Variants in KIFAP3 observed in about 807,000 individuals in gnomAD.
KIFAP3 encodes kinesin associated protein 3.
KIFAP3 carries 68 observed loss-of-function variants against 106.5 expected under a neutral mutation model. The observed-to-expected ratio is 0.64, with a 90% CI of 0.53 to 0.78. The LOEUF (loss-of-function observed/expected upper bound fraction) is 0.78, where lower values mean the gene tolerates loss of function less well. Among genes scored for constraint, KIFAP3 ranks in the 30% least tolerant of loss-of-function variants. The pLI, the probability that KIFAP3 is intolerant of heterozygous loss-of-function variation, is 0.00. For synonymous variants in KIFAP3, 320 were observed against 311.5 expected, an observed-to-expected ratio of 1.03 and a Z score of -0.29; for missense variants, 780 against 941.8, an observed-to-expected ratio of 0.83 and a Z score of 2.25.
chr1:170,003,430 C>T (rs1667767440), intron 10 of KIFAP3, among the ~76,000 whole-genome samples: 1 of 152,218 alleles, frequency 6.6e-6, no homozygotes, highest in South Asian at 2.1e-4. Context: ...TGTGAGGTGT[C>T]AGTCCACACC....
At chr1:170,029,283 A>G (rs1225043166) in intron 8 of KIFAP3, among the ~76,000 whole-genome samples, 1 of 152,132 alleles carries the variant, frequency 6.6e-6, no homozygotes, top group East Asian at 1.9e-4. Context: ...ATAAATCACA[A>G]TTATAGTCAG....
At chr1:169,972,460 T>C in intron 17 of KIFAP3, 53 bp downstream of exon 17, 1 of 881,132 alleles carries the variant, frequency 1.1e-6, no homozygotes. Flanking sequence ...ACAATGACTT[T>C]CTCCCCCAAG....
At chr1:170,069,344 C>T (rs1157054626) in intron 1 of KIFAP3, among the ~76,000 whole-genome samples, 1 of 152,092 alleles carries the variant, frequency 6.6e-6, no homozygotes, top group Non-Finnish European at 1.5e-5. Flanking sequence ...AGAGGAAACA[C>T]TTCCTAATTC....
Position 169,921,533 on chromosome 1 carries a change from T to C in KIFAP3, c.*143A>G. 1.6e-6 allele frequency: 1 copy of C among 613,832 alleles called. No homozygotes were observed. 38.0% of individuals were successfully genotyped at this position (613,832 alleles called of 1,614,324 possible). ...CAGAAGACAGAGGGGCTGGGGTTAA[T>C]CTGCAGCTAACAACATATAAAAATA... On this transcript the variant is annotated 3_prime_UTR_variant, in exon 20 of 20. Transcript: ENST00000361580.
intron 15 of KIFAP3, among the ~76,000 whole-genome samples, chr1:169,981,171 G>A (rs1666504332): frequency 6.6e-6 from 1 of 152,130 alleles, no homozygotes; most frequent in South Asian, 2.1e-4. Flanking sequence ...TCCCTTATCT[G>A]TGGTTTTTCT....
intron 19 of KIFAP3, among the ~76,000 whole-genome samples, chr1:169,930,442 A>G (rs1263817373): frequency 6.6e-6 from 1 of 152,206 alleles, no homozygotes; most frequent in Non-Finnish European, 1.5e-5. Context: ...TGGCTGTCCT[A>G]AAACAATCTA....
chr1:170,026,779 C>A (rs532760143), intron 8 of KIFAP3, among the ~76,000 whole-genome samples: 1 of 152,284 alleles, frequency 6.6e-6, no homozygotes, highest in African/African-American at 2.4e-5. Flanking sequence ...TACTGGCAAT[C>A]CCATAATTCA....
chr1:169,968,809 T>A (rs1342980976), intron 17 of KIFAP3, among the ~76,000 whole-genome samples: 1 of 148,322 alleles, frequency 6.7e-6, no homozygotes, highest in Non-Finnish European at 1.5e-5. Flanking sequence ...CATGGGTTCT[T>A]TTAAGTCCAA....
At chr1:170,009,286 A>G (rs1668125684) in intron 10 of KIFAP3, among the ~76,000 whole-genome samples, 1 of 152,166 alleles carries the variant, frequency 6.6e-6, no homozygotes, top group Non-Finnish European at 1.5e-5. Context: ...TTAAAAGCTG[A>G]CATAAAAATT....
chr1:169,969,367 C>T (rs1571579372), intron 17 of KIFAP3, among the ~76,000 whole-genome samples: 1 of 151,980 alleles, frequency 6.6e-6, no homozygotes, highest in East Asian at 1.9e-4. Context: ...CTGACACAGG[C>T]TTCCTTGGTT....
chr1:170,038,363 G>A lies in KIFAP3; in HGVS notation c.444C>T (p.Asp148=). 5.6e-6 allele frequency: 9 copies of A among 1,608,600 alleles called. No individual in the cohort carries two copies. Among genetic ancestry groups the A allele is most frequent in the Non-Finnish European group, 7.6e-6 (9 of 1,178,790 alleles). Residue 148 remains aspartate (D), a synonymous_variant, in exon 5 of 20, where the codon GAC becomes GAT. Coordinates refer to ENST00000361580, the MANE Select transcript of KIFAP3 (RefSeq NM_014970.4). The part of the protein sequence containing the change: ...YIELLYEDIP[D]KVRGSALILQ... ...GGATCAAAGCAGAACCCCGAACTTT[G>A]TCAGGAATATCTTCATATAATAACT...
At chr1:170,048,301 T>G (rs916032278) in intron 2 of KIFAP3, among the ~76,000 whole-genome samples, 2 of 93,692 alleles carry the variant, frequency 2.1e-5, no homozygotes, top group African/African-American at 4.1e-5. Context: ...CTTATTTGGG[T>G]TTTTTTTTTT....
chr1:170,021,489 G>C (rs1039437647), intron 9 of KIFAP3, among the ~76,000 whole-genome samples: 1 of 147,566 alleles, frequency 6.8e-6, no homozygotes, highest in Non-Finnish European at 1.5e-5. Context: ...ACCCAGGCTG[G>C]AGTGCAGTGA....
intron 19 of KIFAP3, among the ~76,000 whole-genome samples, chr1:169,926,436 T>G (rs1663134772): frequency 6.6e-6 from 1 of 152,184 alleles, no homozygotes; most frequent in African/African-American, 2.4e-5. Context: ...TGATGTGATC[T>G]GAAACCAGTA....
intron 10 of KIFAP3, among the ~76,000 whole-genome samples, chr1:170,000,393 A>T (rs1038167950): frequency 6.6e-6 from 1 of 152,160 alleles, no homozygotes. Context: ...AATAGCATTA[A>T]GGTGATATAT....
At chr1:170,055,230 C>A in intron 2 of KIFAP3, 75 bp downstream of exon 2, 2 of 1,333,660 alleles carry the variant, frequency 1.5e-6, no homozygotes, top group Non-Finnish European at 2.0e-6. Flanking sequence ...CTATGCTGAT[C>A]AAAATAATAT....
At chr1:169,937,826 C>T (rs530736690) in intron 19 of KIFAP3, among the ~76,000 whole-genome samples, 15 of 151,802 alleles carry the variant, frequency 9.9e-5, no homozygotes, top group Non-Finnish European at 2.1e-4. Flanking sequence ...GGAGCCATTC[C>T]TCCAGGTGCA....
chr1:169,937,590 C>T (rs1226479793), intron 19 of KIFAP3, among the ~76,000 whole-genome samples: 1 of 151,718 alleles, frequency 6.6e-6, no homozygotes, highest in Non-Finnish European at 1.5e-5. Context: ...AAAACTAATA[C>T]AGATTTTTAA....
chr1:169,967,329 T>A (rs1471952320), intron 17 of KIFAP3, among the ~76,000 whole-genome samples: 2 of 151,858 alleles, frequency 1.3e-5, no homozygotes, highest in Admixed American at 6.6e-5. Context: ...TTTTTCCCTT[T>A]TCCATTTCAG....
Sources: allele counts gnomAD v4.1 joint callset (sites outside exome capture counted in the v4.1 genomes callset), GRCh38; gene constraint gnomAD v4.1.1; transcripts MANE v1.5; gene names NCBI Gene and HGNC (gene_info 2026-07-23, HGNC 2026-07-21).